MACC1: variants seen among roughly 807,000 people sequenced by gnomAD.
MACC1 encodes the protein metastasis-associated in colon cancer protein 1.
Under a neutral mutation model 70.7 loss-of-function variants are expected in MACC1, and 79 were observed. That is an observed-to-expected ratio of 1.12 (90% CI 0.93 to 1.35). MACC1 has a LOEUF of 1.35. Ranked by LOEUF, MACC1 falls within the 40% of genes most tolerant of loss-of-function variation. MACC1 has a pLI of 0.00. For synonymous variants in MACC1, 361 were observed against 347.2 expected (o/e 1.04, Z -0.44); for missense variants, 1,106 against 978.1 (o/e 1.13, Z -1.74).
At chr7:20,157,785 A>AAG (rs1554288421) in intron 5 of MACC1, among the ~76,000 whole-genome samples, 20 of 149,768 alleles carry the variant, frequency 1.3e-4, no homozygotes, top group African/African-American at 4.7e-4. Flanking sequence ...AAAAAAAAAA[A>AAG]AAAGAAAGAA....
intron 1 of MACC1, among the ~76,000 whole-genome samples, chr7:20,172,443 C>A (rs1398333410): frequency 6.6e-6 from 1 of 151,876 alleles, no homozygotes; most frequent in Non-Finnish European, 1.5e-5. Flanking sequence ...GTATTTTAAA[C>A]CATCATGAGG....
chr7:20,198,381 G>T (rs1782785203), intron 1 of MACC1: 1 of 152,230 alleles, frequency 6.6e-6, no homozygotes. Flanking sequence ...GGGATAAAGA[G>T]CCAAGCATAT....
chr7:20,161,834 C>T lies in MACC1; in HGVS notation c.29G>A (p.Arg10Gln), dbSNP rs760137719. ...CATACTTTGTGCAATTCTTCCTGAC[C>T]GAAAATGTTTTCTTTCAGTGATTAG... MLITERKHF[R>Q]SGRIAQSMSE... The change falls in exon 4 of 7, where the codon CGG becomes CAG. Residue 10 changes from arginine (R) to glutamine (Q), a missense_variant. Physicochemically the swap from Arg to Gln is conservative, Grantham distance 43 (BLOSUM62 1). Transcript: ENST00000400331. 47 of 1,611,494 alleles carry T rather than the reference C, an allele frequency of 2.9e-5. No individual in the cohort carries two copies. Among genetic ancestry groups the T allele is most frequent in the Admixed American group, 1.8e-4 (11 of 59,908 alleles).
chr7:20,166,836 C>A (rs1006091212), intron 2 of MACC1, among the ~76,000 whole-genome samples: 6 of 152,164 alleles, frequency 3.9e-5, no homozygotes, highest in African/African-American at 1.4e-4. Flanking sequence ...ACTGGCAGAA[C>A]TGAAGTTCAG....
At chr7:20,186,572 A>C (rs2128106523) in intron 1 of MACC1, among the ~76,000 whole-genome samples, 2 of 152,286 alleles carry the variant, frequency 1.3e-5, no homozygotes, top group South Asian at 4.1e-4. Context: ...CCACTGGAAT[A>C]ATTATTAAAA....
intron 3 of MACC1, among the ~76,000 whole-genome samples, chr7:20,163,808 T>C (rs1782172199): frequency 6.6e-6 from 1 of 152,208 alleles, no homozygotes; most frequent in Non-Finnish European, 1.5e-5. Flanking sequence ...TTGTTCATGT[T>C]ATAACTACTA....
At chr7:20,157,132 T>C (rs748382052) in intron 5 of MACC1, among the ~76,000 whole-genome samples, 1 of 152,328 alleles carries the variant, frequency 6.6e-6, no homozygotes, top group East Asian at 1.9e-4. Context: ...TTCTTCGACC[T>C]ATAAGATGAA....
At chr7:20,187,379 TA>T (rs1782604336) in intron 1 of MACC1, among the ~76,000 whole-genome samples, 1 of 152,072 alleles carries the variant, frequency 6.6e-6, no homozygotes, top group South Asian at 2.1e-4. Context: ...TAATATGAAT[TA>T]ATATTTCATG....
intron 5 of MACC1, 107 bp from the exon 6 acceptor site, chr7:20,154,488 C>T (rs911196316): frequency 2.0e-5 from 22 of 1,114,406 alleles, no homozygotes; most frequent in Non-Finnish European, 2.8e-5. Flanking sequence ...CCTTTTTTTT[C>T]ACTACACGTA....
Position 20,159,331 on chromosome 7 carries a change from T to C in MACC1, c.1030A>G (p.Met344Val). ...GCTTGTGCAGCAACCACTAGATACA[T>C]TACCTGACTCAAGTCGATTAGCTTG... ...QVKLIDLSQV[M>V]YLVVAAQAKA... The change falls in exon 5 of 7, where the codon ATG (methionine) becomes GTG (valine). Residue 344 changes from methionine (M) to valine (V), a missense_variant. By Grantham distance (21) the Met-to-Val change is conservative (BLOSUM62 1). Coordinates refer to ENST00000400331, the MANE Select transcript of MACC1 (RefSeq NM_182762.4). 1 of 1,614,080 alleles carries C rather than the reference T, an allele frequency of 6.2e-7. No individual in the cohort carries two copies. Among genetic ancestry groups the C allele is most frequent in the South Asian group, 1.1e-5 (1 of 91,082 alleles).
intron 5 of MACC1, 71 bp downstream of exon 5, chr7:20,158,133 T>C: frequency 6.7e-7 from 1 of 1,482,174 alleles, no homozygotes; most frequent in South Asian, 1.4e-5. Flanking sequence ...TCTCACATGT[T>C]CAGTTATAAA....
In MACC1 at chr7:20,138,276, G is replaced by C. The variant is rs1022412948; in HGVS notation, c.*2670C>G. 11 of 149,966 alleles carry C rather than the reference G, an allele frequency of 7.3e-5. No homozygotes were observed. The highest frequency in any genetic ancestry group is 1.2e-4 in the Non-Finnish European group (8 of 67,624). The allele number at this position is 149,966 out of a possible 1,614,324, so 9.3% of individuals were successfully genotyped here. A position where few individuals can be genotyped will look rare whatever the true frequency, so the allele number is the denominator to read the frequency against. On this transcript the variant is annotated 3_prime_UTR_variant, in exon 7 of 7. Transcript: ENST00000400331. ...TTCATCCTCAAATTACAGAGATCTT[G>C]TTTTTCATTTTTTTAAACTCTTATT...
rs75996383 is a variant in MACC1, at chr7:20,190,675, C to T, written c.-217-19897G>A. Among the ~76,000 whole-genome samples, 777 of 151,872 alleles carry T rather than the reference C, an allele frequency of 5.1e-3. 12 individuals are homozygous for T. Among genetic ancestry groups the T allele is most frequent in the African/African-American group, 0.017 (708 of 41,432 alleles). On this transcript the variant is annotated intron_variant, in intron 1 of 6. Transcript: ENST00000400331. ...CCAAAATTGGTTAGTTTTTATCAAA[C>T]GAAAAAAAATGGAAAGGTTTTCATC... is the stretch of plus-strand genomic sequence containing the variant.
At chr7:20,168,446 A>G (rs578250698) in intron 2 of MACC1, among the ~76,000 whole-genome samples, 1 of 152,336 alleles carries the variant, frequency 6.6e-6, no homozygotes, top group South Asian at 2.1e-4. Flanking sequence ...AATAAGGTAA[A>G]CATGATTAGT....
chr7:20,174,053 T>G (rs1293955169), intron 1 of MACC1, among the ~76,000 whole-genome samples: 2 of 152,234 alleles, frequency 1.3e-5, no homozygotes, highest in Non-Finnish European at 1.5e-5. Flanking sequence ...ATTCAGCACT[T>G]AAGTGTGACT....
chr7:20,183,693 T>A (rs1782544269), intron 1 of MACC1, among the ~76,000 whole-genome samples: 1 of 150,358 alleles, frequency 6.7e-6, no homozygotes, highest in African/African-American at 2.5e-5. Context: ...TCAGGGTCCT[T>A]CAATACCTGA....
chr7:20,145,190 A>C (rs1290659602), intron 6 of MACC1, among the ~76,000 whole-genome samples: 1 of 152,200 alleles, frequency 6.6e-6, no homozygotes, highest in Non-Finnish European at 1.5e-5. Flanking sequence ...CCAGTGTAAC[A>C]CTGAGGACTT....
In MACC1 at chr7:20,154,272, T is replaced by G. The variant is rs746923708; in HGVS notation, c.2267A>C (p.Lys756Thr). 3.7e-6 allele frequency: 6 copies of G among 1,613,882 alleles called. No individual in the cohort carries two copies. Among genetic ancestry groups the G allele is most frequent in the Non-Finnish European group, 5.1e-6 (6 of 1,179,932 alleles). ...TTGTTGCTTTGTGAGTCGTACTAAC[T>G]TTTCAGCTAGTTCCCTCCAGCCTTT... The part of the protein sequence containing the change: ...LGKGWRELAE[K>T]LVRLTKQQME... Residue 756 changes from lysine (K) to threonine (T), a missense_variant, in exon 6 of 7, where the codon AAG becomes ACG. Coordinates refer to ENST00000400331, the MANE Select transcript of MACC1 (RefSeq NM_182762.4).
chr7:20,183,801 G>A (rs974498170), intron 1 of MACC1, among the ~76,000 whole-genome samples: 2 of 150,146 alleles, frequency 1.3e-5, no homozygotes, highest in Non-Finnish European at 2.9e-5. Flanking sequence ...CTCCGTTCCC[G>A]GGTTCAAGCA....
Sources: gnomAD v4.1 joint callset for allele counts (sites outside exome capture counted in the v4.1 genomes callset) on GRCh38, gnomAD v4.1.1 for gene constraint, MANE v1.5 for transcripts, NCBI Gene and HGNC (gene_info 2026-07-23, HGNC 2026-07-21) for gene names.